The following ERC1 variants were observed in gnomAD, a reference collection of about 807,000 sequenced individuals.
The protein encoded by ERC1 is ELKS/RAB6-interacting/CAST family member 1.
A neutral mutation model predicts 132.0 loss-of-function variants in ERC1; 56 were observed. The observed-to-expected ratio is 0.42, with a 90% CI of 0.34 to 0.53. The LOEUF (loss-of-function observed/expected upper bound fraction) is 0.53, where lower values mean the gene tolerates loss of function less well. Ranked by LOEUF, ERC1 falls within the 20% of genes least tolerant of loss-of-function variation. ERC1 has a pLI of 0.03. For missense variants in ERC1, 1,202 were observed against 1,349.9 expected (o/e 0.89, Z 1.72); for synonymous variants, 478 against 476.1 (o/e 1.00, Z -0.05).
chr12:1,420,253 CTT>C (rs1356175484), intron 17 of ERC1, among the ~76,000 whole-genome samples: 3 of 152,108 alleles, frequency 2.0e-5, no homozygotes, highest in Non-Finnish European at 2.9e-5. Flanking sequence ...CAGCTACAAA[CTT>C]AACTTTTTAA....
At chr12:1,116,205 G>C (rs901080371) in intron 7 of ERC1, 172 bp downstream of exon 7, 2 of 539,458 alleles carry the variant, frequency 3.7e-6, no homozygotes, top group African/African-American at 3.9e-5. Context: ...TATTTCAGTT[G>C]TTCTTAGATC....
chr12:1,459,838 C>G (rs796892040), intron 18 of ERC1, among the ~76,000 whole-genome samples: 8 of 152,304 alleles, frequency 5.3e-5, no homozygotes, highest in African/African-American at 1.7e-4. Context: ...GCCTCTTCAT[C>G]ATAGGCACAG....
chr12:1,231,698 C>A (rs935463746), intron 12 of ERC1, among the ~76,000 whole-genome samples: 2 of 151,772 alleles, frequency 1.3e-5, no homozygotes, highest in African/African-American at 4.8e-5. Context: ...TCTGATGGCA[C>A]CTCTGACTCC....
intron 17 of ERC1, among the ~76,000 whole-genome samples, chr12:1,422,531 C>A (rs1403775869): frequency 6.8e-6 from 1 of 147,640 alleles, no homozygotes; most frequent in African/African-American, 2.5e-5. Flanking sequence ...GAATTTCATT[C>A]TTTTTTTTTT....
At chr12:1,291,595 CAG>C (rs1400351997) in intron 15 of ERC1, among the ~76,000 whole-genome samples, 1 of 152,168 alleles carries the variant, frequency 6.6e-6, no homozygotes, top group African/African-American at 2.4e-5. Context: ...TAGAATAAGA[CAG>C]AGTCTTCCCT....
chr12:1,459,501 TGGG>T (rs1022796319), intron 18 of ERC1, among the ~76,000 whole-genome samples: 14 of 152,228 alleles, frequency 9.2e-5, no homozygotes, highest in Admixed American at 7.8e-4. Context: ...AACAAGTAAA[TGGG>T]GGAGAAAGGA....
chr12:1,346,316 T>C (rs762486026), intron 15 of ERC1, among the ~76,000 whole-genome samples: 8 of 152,200 alleles, frequency 5.3e-5, no homozygotes, highest in Non-Finnish European at 1.2e-4. Flanking sequence ...GAGGTTGCCA[T>C]AGTTAAATGT....
intron 15 of ERC1, among the ~76,000 whole-genome samples, chr12:1,359,821 A>G (rs1011476250): frequency 3.9e-5 from 6 of 152,216 alleles, no homozygotes; most frequent in Non-Finnish European, 7.3e-5. Context: ...TATTGAAAGG[A>G]CTATTGGTCT....
At chr12:1,301,403 A>G (rs2080389708) in intron 15 of ERC1, among the ~76,000 whole-genome samples, 1 of 152,204 alleles carries the variant, frequency 6.6e-6, no homozygotes, top group African/African-American at 2.4e-5. Flanking sequence ...TAACAAAGAC[A>G]TGGAATCAAC....
chr12:1,408,274 A>T (rs760561432), intron 17 of ERC1, 27 bp downstream of exon 17: 22 of 1,537,906 alleles, frequency 1.4e-5, no homozygotes, highest in Non-Finnish European at 1.9e-5. Flanking sequence ...ATGTTTTATT[A>T]AAAAACCCAC....
In ERC1 at chr12:1,495,647, C is replaced by T. The variant is rs1450802462; in HGVS notation, c.*5417C>T. ...CTGATGCGTCAGAAGAGAAGTGTTG[C>T]ACTTTAGTGGAGGAGCTGAGGAGCA... is the stretch of plus-strand genomic sequence containing the variant. On this transcript the variant is annotated 3_prime_UTR_variant, in exon 19 of 19. Transcript: ENST00000360905. 8.8e-6 allele frequency: 2 copies of T among 226,166 alleles called. No homozygotes were observed. Among genetic ancestry groups the T allele is most frequent in the Non-Finnish European group, 1.8e-5 (2 of 113,580 alleles). 14.0% of individuals were successfully genotyped at this position (226,166 alleles called of 1,614,324 possible).
intron 12 of ERC1, among the ~76,000 whole-genome samples, chr12:1,203,468 C>CT (rs1305049180): frequency 5.3e-5 from 8 of 152,158 alleles, no homozygotes; most frequent in Admixed American, 5.2e-4. Flanking sequence ...AAATCTTGTC[C>CT]TTCTTATCTG....
At position 1,273,135 on chromosome 12, in the gene ERC1, G is replaced by C. The variant is rs142577295; in HGVS notation, c.2619+9970G>C. Among the ~76,000 whole-genome samples, 115 of 152,250 alleles carry C rather than the reference G, an allele frequency of 7.6e-4. 1 individual carries two copies. The highest frequency in any genetic ancestry group is 3.4e-3 in the Middle Eastern group (1 of 294). On this transcript the variant is annotated intron_variant, in intron 14 of 18. Coordinates refer to ENST00000360905, the MANE Select transcript of ERC1 (RefSeq NM_178040.4). ...TATTTGAAACTAAGCATTGGTTTTA[G>C]AACGTTATCCTTAGATGTTATTCCT...
intron 1 of ERC1, among the ~76,000 whole-genome samples, chr12:995,617 A>T (rs1960672092): frequency 6.6e-6 from 1 of 152,122 alleles, no homozygotes; most frequent in Admixed American, 6.5e-5. Context: ...TGATTATGAG[A>T]TAGGTGAGAT....
At chr12:1,396,747 T>C (rs1169022410) in intron 16 of ERC1, among the ~76,000 whole-genome samples, 2 of 152,180 alleles carry the variant, frequency 1.3e-5, no homozygotes, top group Non-Finnish European at 1.5e-5. Flanking sequence ...GACGTAGTTA[T>C]GACTAGAAGG....
chr12:1,118,290 C>T (rs1946676211), intron 7 of ERC1, among the ~76,000 whole-genome samples: 1 of 152,182 alleles, frequency 6.6e-6, no homozygotes, highest in Admixed American at 6.5e-5. Flanking sequence ...ATAATGCAAA[C>T]ATTTAAAAGC....
intron 8 of ERC1, among the ~76,000 whole-genome samples, chr12:1,165,379 C>T (rs1326994589): frequency 6.6e-6 from 1 of 151,728 alleles, no homozygotes; most frequent in African/African-American, 2.4e-5. Flanking sequence ...GATCTTGGCT[C>T]ACTGCAAGTT....
At chr12:1,402,403 A>G (rs2091145244) in intron 16 of ERC1, among the ~76,000 whole-genome samples, 2 of 152,084 alleles carry the variant, frequency 1.3e-5, no homozygotes, top group South Asian at 4.1e-4. Context: ...GGTGGCGGGC[A>G]TCTGTAATCT....
intron 7 of ERC1, among the ~76,000 whole-genome samples, chr12:1,126,511 CTA>C (rs1264797222): frequency 3.3e-5 from 5 of 152,078 alleles, no homozygotes; most frequent in African/African-American, 1.2e-4. Context: ...TAAAGAGAAA[CTA>C]TAAAGCTAAT....
Sources: gnomAD v4.1 joint callset for allele counts (sites outside exome capture counted in the v4.1 genomes callset) on GRCh38, gnomAD v4.1.1 for gene constraint, MANE v1.5 for transcripts, NCBI Gene and HGNC (gene_info 2026-07-23, HGNC 2026-07-21) for gene names.